Variants in USP14 observed in about 807,000 individuals in gnomAD.
USP14 encodes ubiquitin specific peptidase 14, also known as ubiquitin carboxyl-terminal hydrolase 14.
In USP14, 38 loss-of-function variants were observed where a neutral mutation model predicts 76.5. The ratio of observed to expected loss-of-function variants is 0.50; its 90% CI spans 0.38 to 0.65. The LOEUF (loss-of-function observed/expected upper bound fraction) is 0.65. Among genes scored for constraint, USP14 ranks in the 30% least tolerant of loss-of-function variants. The pLI is 0.00. For missense variants in USP14, 467 were observed against 586.5 expected (o/e 0.80, Z 2.10); for synonymous variants, 192 against 191.7 (o/e 1.00, Z -0.01).
intron 3 of USP14, among the ~76,000 whole-genome samples, chr18:171,025 A>AAAAATATATATATATATATATATAT (rs1327304974): frequency 4.2e-5 from 2 of 47,648 alleles, no homozygotes; most frequent in African/African-American, 8.7e-5. Flanking sequence ...AAAAAAAAAA[A>AAAAATATATATATATATATATATAT]ATATATATAT....
chr18:190,133 C>G (rs188819456), intron 5 of USP14, among the ~76,000 whole-genome samples: 64 of 152,192 alleles, frequency 4.2e-4, no homozygotes, highest in Non-Finnish European at 5.0e-4. Flanking sequence ...TATATTCATG[C>G]TATATAGTAT....
chr18:170,034 G>T (rs1343824863), intron 3 of USP14, among the ~76,000 whole-genome samples: 1 of 152,086 alleles, frequency 6.6e-6, no homozygotes, highest in Non-Finnish European at 1.5e-5. Context: ...GAGCGCGGTG[G>T]CTCACACCTG....
chr18:204,718 C>T (rs768499881), intron 13 of USP14, 26 bp downstream of exon 13: 21 of 1,598,288 alleles, frequency 1.3e-5, no homozygotes, highest in Non-Finnish European at 1.8e-5. Context: ...TGACTTTATA[C>T]TCTTAATATC....
At chr18:209,506 T>C (rs1341923709) in intron 13 of USP14, among the ~76,000 whole-genome samples, 2 of 152,246 alleles carry the variant, frequency 1.3e-5, no homozygotes, top group Non-Finnish European at 2.9e-5. Flanking sequence ...CTGAAAAATA[T>C]TTCAGTTCAT....
At chr18:186,309 A>C (rs1598272467) in intron 5 of USP14, among the ~76,000 whole-genome samples, 1 of 152,200 alleles carries the variant, frequency 6.6e-6, no homozygotes, top group East Asian at 1.9e-4. Flanking sequence ...AAAAAGAAAT[A>C]GCTGAGTGTG....
intron 5 of USP14, 101 bp from the exon 6 acceptor site, chr18:192,741 C>G: frequency 2.0e-6 from 2 of 1,007,878 alleles, no homozygotes; most frequent in Non-Finnish European, 3.0e-6. Context: ...GAGAAACTTG[C>G]AGTTGAGGGT....
chr18:180,742 G>A (rs893145645), intron 5 of USP14, among the ~76,000 whole-genome samples: 1 of 152,094 alleles, frequency 6.6e-6, no homozygotes, highest in Non-Finnish European at 1.5e-5. Flanking sequence ...TCAGGTTACA[G>A]CACACGTAAC....
intron 3 of USP14, among the ~76,000 whole-genome samples, chr18:174,900 C>T (rs997752093): frequency 6.6e-6 from 1 of 151,982 alleles, no homozygotes; most frequent in South Asian, 2.1e-4. Flanking sequence ...CTCAGCCTCC[C>T]GAGTAGCTGG....
intron 6 of USP14, among the ~76,000 whole-genome samples, chr18:194,387 G>T (rs1029966281): frequency 5.3e-5 from 8 of 152,136 alleles, no homozygotes; most frequent in Non-Finnish European, 1.0e-4. Flanking sequence ...TTGATGCGAT[G>T]AAAAATACTG....
chr18:196,455 CG>C (rs2143064832), intron 6 of USP14, 181 bp from the exon 7 acceptor site: 1 of 448,562 alleles, frequency 2.2e-6, no homozygotes, highest in Admixed American at 4.1e-5. Flanking sequence ...ACCCAGAAGG[CG>C]GAGGTTGCGG....
rs1448376554 is a variant in USP14 at position 158,578 on chromosome 18, A to AGCC, written c.-114_-112dup. 1.9e-6 allele frequency: 2 copies of AGCC among 1,053,332 alleles called. No individual in the cohort carries two copies. Among genetic ancestry groups the AGCC allele is most frequent in the Non-Finnish European group, 2.7e-6 (2 of 746,732 alleles). The allele number at this position is 1,053,332 out of a possible 1,614,324, so 65.2% of individuals were successfully genotyped here. A position where few individuals can be genotyped will look rare whatever the true frequency, so the allele number is the denominator to read the frequency against. On this transcript the variant is annotated 5_prime_UTR_variant, in exon 1 of 16. Transcript: ENST00000261601. Reference sequence around the variant, plus strand: ...GTTTGAATGAGACTCGTCGCACCGAAGCCGCCGCCACCACCGCGCCTCCGC... The same window carrying AGCC: ...GTTTGAATGAGACTCGTCGCACCGAAGCCGCCGCCGCCACCACCGCGCCTCCGC...
chr18:210,509 T>G lies in USP14; in HGVS notation c.1333+16T>G. The G allele has an allele frequency of 1.3e-6, 2 of 1,504,874 alleles. No homozygotes were observed. Among genetic ancestry groups the G allele is most frequent in the Non-Finnish European group, 1.8e-6 (2 of 1,096,984 alleles). 93.2% of individuals were successfully genotyped at this position (1,504,874 alleles called of 1,614,324 possible). The stretch of plus-strand genomic sequence containing the variant: ...AGGAAACAAGGTAAAGGGTATTCTT[T>G]TTTCAACTGTTCAATATTATTTTAA... On this transcript the variant is annotated intron_variant, in intron 15 of 15. Coordinates refer to ENST00000261601, the MANE Select transcript of USP14 (RefSeq NM_005151.4).
rs1909664251 is a variant in USP14, at chr18:177,648, T to TA, written c.196-1282dup. Reference sequence around the variant, plus strand: ...TTCCCTCCCTGTTTTTTTTTTTTTTTAAATCTCCACTTCTGGTCCTACCTT... The same window carrying TA: ...TTCCCTCCCTGTTTTTTTTTTTTTTTAAAATCTCCACTTCTGGTCCTACCTT... On this transcript the variant is annotated intron_variant, in intron 3 of 15. Transcript: ENST00000261601. Among the ~76,000 whole-genome samples the TA allele has an allele frequency of 3.3e-5, 5 of 151,450 alleles. No individual in the cohort carries two copies. In the South Asian group the frequency reaches 1.0e-3, roughly 32 times the overall value.
intron 5 of USP14, among the ~76,000 whole-genome samples, chr18:190,913 T>C (rs910953804): frequency 3.3e-5 from 5 of 152,130 alleles, no homozygotes; most frequent in African/African-American, 1.2e-4. Context: ...ATTTTATTGC[T>C]CTAATATGGG....
chr18:177,300 C>G (rs1048383849), intron 3 of USP14, among the ~76,000 whole-genome samples: 1 of 151,416 alleles, frequency 6.6e-6, no homozygotes, highest in African/African-American at 2.4e-5. Flanking sequence ...CTTATACTTG[C>G]AGTCCCAGCA....
intron 13 of USP14, among the ~76,000 whole-genome samples, chr18:207,004 G>T (rs955980730): frequency 1.3e-5 from 2 of 152,192 alleles, no homozygotes; most frequent in African/African-American, 4.8e-5. Flanking sequence ...AGTGTGAGGT[G>T]TGGGTTCAGA....
chr18:170,948 C>G (rs1336212462), intron 3 of USP14, among the ~76,000 whole-genome samples: 1 of 147,244 alleles, frequency 6.8e-6, no homozygotes, highest in African/African-American at 2.5e-5. Context: ...CAGCAAACCA[C>G]CATGACACAA....
chr18:163,283 A>T (rs761777095), intron 1 of USP14, 25 bp from the exon 2 acceptor site: 21 of 1,564,752 alleles, frequency 1.3e-5, no homozygotes, highest in African/African-American at 4.1e-5. Context: ...TTTTTTAATT[A>T]AAAAAATTGT....
rs1910712391 is a variant in USP14, at chr18:212,938, T to G, written c.*1654T>G. 6.6e-6 allele frequency: 1 copy of G among 152,236 alleles called. No homozygotes were observed. Among genetic ancestry groups the G allele is most frequent in the Non-Finnish European group, 1.5e-5 (1 of 68,034 alleles). The allele number at this position is 152,236 out of a possible 1,614,324, so 9.4% of individuals were successfully genotyped here. ...AAATAGAAAATAACAGCCATTTTACTTTCAAATCTGATGTGATGCAATCTG... is the reference window on the plus strand; with the variant it reads ...AAATAGAAAATAACAGCCATTTTACGTTCAAATCTGATGTGATGCAATCTG... On this transcript the variant is annotated 3_prime_UTR_variant, in exon 16 of 16. Coordinates refer to ENST00000261601, the MANE Select transcript of USP14 (RefSeq NM_005151.4).
Sources: gnomAD v4.1 joint callset for allele counts (sites outside exome capture counted in the v4.1 genomes callset) on GRCh38, gnomAD v4.1.1 for gene constraint, MANE v1.5 for transcripts, NCBI Gene and HGNC (gene_info 2026-07-23, HGNC 2026-07-21) for gene names.